Variants in NUP210 observed in about 807,000 individuals in gnomAD.
NUP210 encodes nucleoporin 210, also known as nuclear pore membrane glycoprotein 210.
A neutral mutation model predicts 196.0 loss-of-function variants in NUP210; 151 were observed. The ratio of observed to expected loss-of-function variants is 0.77; its 90% CI spans 0.67 to 0.88. The LOEUF (loss-of-function observed/expected upper bound fraction) is 0.88. Among genes scored for constraint, NUP210 ranks in the 40% least tolerant of loss-of-function variants. The pLI is 0.00. For missense variants in NUP210, 2,314 were observed against 2,493.7 expected, an observed-to-expected ratio of 0.93 and a Z score of 1.53; for synonymous variants, 1,070 against 1,052.7, an observed-to-expected ratio of 1.02 and a Z score of -0.32.
Position 13,321,780 on chromosome 3 carries a change from G to C in NUP210, c.4971C>G (p.His1657Gln), listed in dbSNP as rs549845603. 3.2e-5 allele frequency: 52 copies of C among 1,612,178 alleles called. No homozygotes were observed. The highest frequency in any genetic ancestry group is 3.9e-5 in the Non-Finnish European group (46 of 1,180,030). ...CCAGAGCTGTCTTCTTCATGCTCAG[G>C]TGCTTCCGCTGCTTGTCCGTCAGCC... is the stretch of plus-strand genomic sequence containing the variant. ...MHRLTDKQRK[H>Q]LSMKKTALVV... Residue 1657 changes from histidine (H) to glutamine (Q), a missense_variant, in exon 36 of 40, where the codon CAC (histidine) becomes CAG (glutamine). Coordinates refer to ENST00000254508, the MANE Select transcript of NUP210 (RefSeq NM_024923.4).
At chr3:13,398,851 T>G (rs535017937) in intron 2 of NUP210, among the ~76,000 whole-genome samples, 1 of 152,206 alleles carries the variant, frequency 6.6e-6, no homozygotes, top group Admixed American at 6.5e-5. Context: ...GGAGGATTGC[T>G]TGAGTCCAGG....
At chr3:13,343,336 T>TGGGGGGGGGGGGGGGGGGGGG in intron 20 of NUP210, 33 bp from the exon 21 acceptor site, 3 of 260,394 alleles carry the variant, frequency 1.2e-5, no homozygotes, top group East Asian at 9.5e-5. Flanking sequence ...GAGGGGTGGG[T>TGGGGGGGGGGGGGGGGGGGGG]GGTGGGTTAC....
At chr3:13,330,950 T>C (rs1696973811) in intron 29 of NUP210, among the ~76,000 whole-genome samples, 1 of 152,198 alleles carries the variant, frequency 6.6e-6, no homozygotes, top group South Asian at 2.1e-4. Flanking sequence ...ATCAGCTCCA[T>C]GGGACATCTA....
intron 1 of NUP210, among the ~76,000 whole-genome samples, chr3:13,410,021 T>A (rs1304192894): frequency 1.1e-5 from 1 of 89,098 alleles, no homozygotes; most frequent in East Asian, 2.2e-4. Flanking sequence ...CCCAGCTAAT[T>A]TTTTTTTTTT....
chr3:13,321,696 C>T lies in NUP210; in HGVS notation c.5055G>A (p.Val1685=). The part of the protein sequence containing the change: ...HFSTEQVGAE[V]PFSPGLFADQ... ...CGGCGAAGAGACCTGGGCTGAAGGGCACCTCGGCCCCCACCTGCTCTGTGG... is the reference window on the plus strand; with the variant it reads ...CGGCGAAGAGACCTGGGCTGAAGGGTACCTCGGCCCCCACCTGCTCTGTGG... The change falls in exon 36 of 40, where the codon GTG becomes GTA. Residue 1685 remains valine (V), a synonymous_variant. Transcript: ENST00000254508. 6.2e-7 allele frequency: 1 copy of T among 1,614,140 alleles called. No homozygotes were observed. The highest frequency in any genetic ancestry group is 1.7e-5 in the Admixed American group (1 of 60,028).
intron 3 of NUP210, among the ~76,000 whole-genome samples, chr3:13,396,968 C>G (rs1197307001): frequency 6.6e-6 from 1 of 152,096 alleles, no homozygotes; most frequent in East Asian, 1.9e-4. Context: ...AGAGCCAGAG[C>G]AGGGAGCCTC....
intron 28 of NUP210, among the ~76,000 whole-genome samples, chr3:13,334,759 C>T (rs1451696592): frequency 6.6e-6 from 1 of 152,222 alleles, no homozygotes; most frequent in Admixed American, 6.5e-5. Flanking sequence ...CAGGAACTCG[C>T]CCACAGCCCA....
At chr3:13,326,007 C>T in intron 32 of NUP210, 76 bp from the exon 33 acceptor site, 1 of 1,569,138 alleles carries the variant, frequency 6.4e-7, no homozygotes, top group East Asian at 2.3e-5. Context: ...ACCTGGATGA[C>T]AGGCCAGCTT....
At chr3:13,368,065 T>C (rs1698601103) in intron 13 of NUP210, among the ~76,000 whole-genome samples, 1 of 133,428 alleles carries the variant, frequency 7.5e-6, no homozygotes, top group Non-Finnish European at 1.6e-5. Flanking sequence ...CCTGCCATTA[T>C]TAAATTTTAA....
intron 4 of NUP210, among the ~76,000 whole-genome samples, chr3:13,389,346 C>A: frequency 6.6e-6 from 1 of 152,186 alleles, no homozygotes; most frequent in East Asian, 1.9e-4. Context: ...CAACATCCAG[C>A]GTGTGCCAGG....
chr3:13,379,695 C>T lies in NUP210; in HGVS notation c.844G>A (p.Glu282Lys), dbSNP rs780717593. 12 of 1,608,030 alleles carry T rather than the reference C, an allele frequency of 7.5e-6. No individual in the cohort carries two copies. The highest frequency in any genetic ancestry group is 5.5e-5 in the South Asian group (5 of 90,572). ...GGGATGCTGTTCTGAAGCTGCAACT[C>T]GTACTGATCGGAAGGCATGGAGAGT... ...TELSMPSDQY[E>K]LQLQNSIPGP... The change falls in exon 7 of 40, where the codon GAG becomes AAG. Residue 282 changes from glutamate (E) to lysine (K), a missense_variant. Transcript: ENST00000254508. The surrounding 1 kb of genome is among the most constrained non-coding windows in gnomAD (Gnocchi z 4.2).
chr3:13,334,707 C>A (rs1697137164), intron 28 of NUP210, among the ~76,000 whole-genome samples: 1 of 152,168 alleles, frequency 6.6e-6, no homozygotes, highest in South Asian at 2.1e-4. Flanking sequence ...CTCTTCAGAG[C>A]CAACTTGCCA....
At chr3:13,357,373 T>C (rs935872870) in intron 16 of NUP210, among the ~76,000 whole-genome samples, 1 of 152,200 alleles carries the variant, frequency 6.6e-6, no homozygotes, top group African/African-American at 2.4e-5. Flanking sequence ...TCACTTCCCT[T>C]GCAGCGCTTG....
intron 33 of NUP210, 46 bp downstream of exon 33, chr3:13,325,749 T>TGAC: frequency 6.2e-7 from 1 of 1,603,598 alleles, no homozygotes. Flanking sequence ...CAGGCCCGCC[T>TGAC]CACAGGCCAC....
intron 15 of NUP210, among the ~76,000 whole-genome samples, chr3:13,359,183 G>A (rs1274223687): frequency 6.6e-6 from 1 of 152,174 alleles, no homozygotes; most frequent in Admixed American, 6.5e-5. Flanking sequence ...ACCTGGTGCC[G>A]CATGTGAGGG....
chr3:13,399,850 C>A lies in NUP210; in HGVS notation c.179G>T (p.Arg60Leu). The A allele has an allele frequency of 6.2e-7, 1 of 1,607,806 alleles. No homozygotes were observed. Among genetic ancestry groups the A allele is most frequent in the Non-Finnish European group, 8.5e-7 (1 of 1,176,836 alleles). ...SEGCYRWLST[R>L]PEVASIEPLG... ...CGGCTCGATGCTGGCCACCTCCGGCCGGGTGGACAACCTGCAGTGGAAGAA... is the reference window on the plus strand; with the variant it reads ...CGGCTCGATGCTGGCCACCTCCGGCAGGGTGGACAACCTGCAGTGGAAGAA... The change falls in exon 2 of 40, where the codon CGG becomes CTG. Residue 60 changes from arginine to leucine, a missense_variant. Physicochemically the swap from Arg to Leu is moderately radical, Grantham distance 102. Coordinates refer to ENST00000254508, the MANE Select transcript of NUP210 (RefSeq NM_024923.4).
At chr3:13,381,560 G>A (rs1428540746) in intron 6 of NUP210, among the ~76,000 whole-genome samples, 2 of 151,590 alleles carry the variant, frequency 1.3e-5, no homozygotes, top group Admixed American at 1.3e-4. Context: ...ACCAATGCAC[G>A]CCACCATACC....
Position 13,371,954 on chromosome 3 carries a change from G to C in NUP210, c.1666C>G (p.Pro556Ala). Reference protein sequence around the residue: ...EARVGQALELPLRISGLMPGG... With the variant: ...EARVGQALELALRISGLMPGG... ...GGCATGAGGCCACTGATCCTCAGGG[G>C]CAGCTCCAGGGCCTGGCCCACACGT... is the stretch of plus-strand genomic sequence containing the variant. The change falls in exon 13 of 40, where the codon CCC becomes GCC. Residue 556 changes from proline to alanine, a missense_variant. Transcript: ENST00000254508. The C allele has an allele frequency of 6.2e-7, 1 of 1,604,542 alleles. No individual in the cohort carries two copies. The highest frequency in any genetic ancestry group is 8.5e-7 in the Non-Finnish European group (1 of 1,175,830).
intron 3 of NUP210, among the ~76,000 whole-genome samples, chr3:13,395,329 A>G (rs181778258): frequency 7.9e-5 from 12 of 152,306 alleles, no homozygotes; most frequent in African/African-American, 2.9e-4. Flanking sequence ...AGATCATGGC[A>G]CCTTCACACA....
Sources: allele counts gnomAD v4.1 joint callset (sites outside exome capture counted in the v4.1 genomes callset), GRCh38; gene constraint gnomAD v4.1.1; non-coding constraint Gnocchi (gnomAD v3.1); transcripts MANE v1.5; gene names NCBI Gene and HGNC (gene_info 2026-07-23, HGNC 2026-07-21).